The following DNM3 variants were observed in gnomAD, a reference collection of about 807,000 sequenced individuals.
The protein encoded by DNM3 is dynamin-3.
Under a neutral mutation model 101.6 loss-of-function variants are expected in DNM3, and 47 were observed. The ratio of observed to expected loss-of-function variants is 0.46; its 90% CI spans 0.37 to 0.59. The LOEUF is 0.59. Ranked by LOEUF, DNM3 falls within the 20% of genes least tolerant of loss-of-function variation. DNM3 has a pLI of 0.00. For missense variants in DNM3, 849 were observed against 1,085.7 expected, an observed-to-expected ratio of 0.78 and a Z score of 3.06; for synonymous variants, 385 against 387.9, an observed-to-expected ratio of 0.99 and a Z score of 0.09.
At chr1:171,991,853 C>T (rs10910863) in intron 4 of DNM3, among the ~76,000 whole-genome samples, 44,603 of 152,142 alleles carry the variant, frequency 0.29, 9,500 homozygotes, top group African/African-American at 0.61. Flanking sequence ...GGGAAGAAGA[C>T]TAAAAATGCG....
intron 17 of DNM3, chr1:172,338,743 A>T: frequency 2.2e-6 from 1 of 445,768 alleles, no homozygotes; most frequent in South Asian, 1.6e-5. Context: ...TGTTCAAAGA[A>T]GTCATTACCA....
intron 12 of DNM3, among the ~76,000 whole-genome samples, chr1:172,082,288 G>T (rs1572427091): frequency 6.7e-6 from 1 of 149,688 alleles, no homozygotes; most frequent in Non-Finnish European, 1.5e-5. Context: ...CAGGATGAAA[G>T]ATGTTTCAAC....
At chr1:172,106,817 T>C (rs1381860778) in intron 13 of DNM3, among the ~76,000 whole-genome samples, 2 of 151,258 alleles carry the variant, frequency 1.3e-5, no homozygotes, top group East Asian at 1.9e-4. Flanking sequence ...GAACGAATTT[T>C]CTTATTATTC....
intron 14 of DNM3, among the ~76,000 whole-genome samples, chr1:172,156,207 CAACCAGTAAG>C (rs1480704681): frequency 6.6e-6 from 1 of 152,108 alleles, no homozygotes; most frequent in Non-Finnish European, 1.5e-5. Context: ...GTAGGGGCAT[CAACCAGTAAG>C]AACTGCTGTT....
At chr1:172,027,048 A>AT (rs1260165034) in intron 4 of DNM3, among the ~76,000 whole-genome samples, 1 of 152,168 alleles carries the variant, frequency 6.6e-6, no homozygotes, top group African/African-American at 2.4e-5. Context: ...ATGCTGAGAG[A>AT]TTTTGTCATC....
In DNM3 at chr1:171,977,869, C is replaced by G. The variant is rs539674980; in HGVS notation, c.236-9787C>G. ...ACGGTGGCTTCAATTACAACCTGAA[C>G]ATTACAACTCTCACATGTATAGTTC... On this transcript the variant is annotated intron_variant, in intron 2 of 20. Transcript: ENST00000627582. Among the ~76,000 whole-genome samples, 4 of 152,308 alleles carry G rather than the reference C, an allele frequency of 2.6e-5. No homozygotes were observed. In the South Asian group the frequency reaches 8.3e-4, roughly 32 times the overall value.
chr1:172,301,375 GC>G (rs111274038), intron 15 of DNM3, among the ~76,000 whole-genome samples: 10,712 of 152,084 alleles, frequency 0.07, 404 homozygotes, highest in Middle Eastern at 0.11. Context: ...GGTGGCACAT[GC>G]CTGTAGTCCC....
chr1:171,937,452 A>G (rs1272577420), intron 2 of DNM3, among the ~76,000 whole-genome samples: 1 of 152,202 alleles, frequency 6.6e-6, no homozygotes, highest in East Asian at 1.9e-4. Context: ...TGTTATTCTT[A>G]AATTTTAATG....
chr1:172,239,470 C>T (rs977447967), intron 14 of DNM3, among the ~76,000 whole-genome samples: 9 of 152,140 alleles, frequency 5.9e-5, no homozygotes, highest in Non-Finnish European at 1.2e-4. Flanking sequence ...GAATTATCAC[C>T]TCCATACAGG....
In DNM3 at chr1:172,098,158, C is replaced by T. The variant is rs151160432; in HGVS notation, c.1545+5283C>T. ...AAAATTTATTAGGTGGGAATTTCCT[C>T]GTCCTAATAAGCCTGGGAGCGATAC... On this transcript the variant is annotated intron_variant, in intron 13 of 20. Coordinates refer to ENST00000627582, the MANE Select transcript of DNM3 (RefSeq NM_015569.5). Among the ~76,000 whole-genome samples, 870 of 152,174 alleles carry T rather than the reference C, an allele frequency of 5.7e-3. 10 individuals carry two copies. Among genetic ancestry groups the T allele is most frequent in the African/African-American group, 0.02 (819 of 41,512 alleles).
intron 4 of DNM3, among the ~76,000 whole-genome samples, chr1:172,016,540 A>G (rs371434423): frequency 9.1e-4 from 138 of 152,340 alleles, no homozygotes; most frequent in African/African-American, 3.0e-3. Flanking sequence ...ACCTATATTC[A>G]TAAGAGATAT....
intron 1 of DNM3, among the ~76,000 whole-genome samples, chr1:171,866,899 A>G (rs897257169): frequency 1.3e-5 from 2 of 152,208 alleles, no homozygotes; most frequent in African/African-American, 2.4e-5. Flanking sequence ...TGCTGAGATG[A>G]CATAGATCAT....
intron 2 of DNM3, among the ~76,000 whole-genome samples, chr1:171,984,413 C>G (rs1039899300): frequency 6.6e-6 from 1 of 152,166 alleles, no homozygotes; most frequent in African/African-American, 2.4e-5. Context: ...CCACACCGCC[C>G]GGTGCTCCAG....
chr1:172,194,481 A>G (rs2059869977), intron 14 of DNM3, among the ~76,000 whole-genome samples: 1 of 151,816 alleles, frequency 6.6e-6, no homozygotes, highest in South Asian at 2.1e-4. Context: ...TCCCATTATT[A>G]TATGTGGGAG....
chr1:171,984,207 T>G (rs1290891297), intron 2 of DNM3, among the ~76,000 whole-genome samples: 1 of 152,190 alleles, frequency 6.6e-6, no homozygotes, highest in Admixed American at 6.5e-5. Context: ...CCTTTCTTGC[T>G]CATCATTGTC....
chr1:172,353,060 C>T (rs1024357315), intron 17 of DNM3, among the ~76,000 whole-genome samples: 3 of 152,126 alleles, frequency 2.0e-5, no homozygotes, highest in Admixed American at 1.3e-4. Context: ...ACTTCCGCCA[C>T]CCACATACAC....
At chr1:172,150,605 A>C (rs1232784306) in intron 14 of DNM3, among the ~76,000 whole-genome samples, 2 of 152,184 alleles carry the variant, frequency 1.3e-5, no homozygotes, top group Admixed American at 1.3e-4. Flanking sequence ...GAAAGGTAGG[A>C]TCTCTCCATG....
At chr1:172,038,496 T>A (rs1349331368) in intron 7 of DNM3, 35 bp downstream of exon 7, 18 of 1,599,452 alleles carry the variant, frequency 1.1e-5, no homozygotes, top group Non-Finnish European at 1.4e-5. Flanking sequence ...CTCAGCATTT[T>A]AATCTAATTT....
intron 1 of DNM3, among the ~76,000 whole-genome samples, chr1:171,868,834 A>C (rs188940439): frequency 0.014 from 2,191 of 151,764 alleles, 61 homozygotes; most frequent in African/African-American, 0.048. Flanking sequence ...CCCAGGCTGG[A>C]GTGCAGTGGC....
Sources: gnomAD v4.1 joint callset for allele counts (sites outside exome capture counted in the v4.1 genomes callset) on GRCh38, gnomAD v4.1.1 for gene constraint, MANE v1.5 for transcripts, NCBI Gene and HGNC (gene_info 2026-07-23, HGNC 2026-07-21) for gene names.